Variants in KCNMA1 observed in about 807,000 individuals in gnomAD.
KCNMA1 encodes Calcium-activated potassium channel subunit alpha-1.
Under a neutral mutation model 140.0 loss-of-function variants are expected in KCNMA1, and 29 were observed. That is an observed-to-expected ratio of 0.21 (90% CI 0.15 to 0.28). The LOEUF is 0.28. KCNMA1 is among the 10% of genes least tolerant of loss of function. KCNMA1 has a pLI of 1.00. For synonymous variants in KCNMA1, 612 were observed against 611.9 expected (o/e 1.00, Z 0.00); for missense variants, 880 against 1,602.2 (o/e 0.55, Z 7.70).
At chr10:77,040,963 G>A (rs1277891617) in intron 14 of KCNMA1, among the ~76,000 whole-genome samples, 1 of 152,114 alleles carries the variant, frequency 6.6e-6, no homozygotes, top group African/African-American at 2.4e-5. Flanking sequence ...ATCTCTGAAA[G>A]GATTTCACAA....
chr10:76,976,922 G>A (rs1007884506), intron 19 of KCNMA1, among the ~76,000 whole-genome samples: 5 of 152,064 alleles, frequency 3.3e-5, no homozygotes, highest in East Asian at 1.9e-4. Flanking sequence ...AGAAAAATTC[G>A]AGAACTTCCC....
intron 1 of KCNMA1, among the ~76,000 whole-genome samples, chr10:77,565,744 A>C (rs987284525): frequency 1.4e-4 from 22 of 152,258 alleles, no homozygotes; most frequent in African/African-American, 5.3e-4. Context: ...ATAAGTGGTT[A>C]GTAACTGGTA....
intron 19 of KCNMA1, among the ~76,000 whole-genome samples, chr10:76,993,542 A>C (rs1453094123): frequency 6.6e-6 from 1 of 152,202 alleles, no homozygotes; most frequent in Non-Finnish European, 1.5e-5. Flanking sequence ...AGGGTCCTGC[A>C]GACTATAGAT....
intron 12 of KCNMA1, among the ~76,000 whole-genome samples, chr10:77,080,748 A>C (rs552526949): frequency 6.6e-6 from 1 of 152,068 alleles, no homozygotes; most frequent in Non-Finnish European, 1.5e-5. Context: ...AGAGGTTTGC[A>C]ATCTCCCACA....
At chr10:77,099,365 C>T (rs930513039) in intron 9 of KCNMA1, among the ~76,000 whole-genome samples, 4 of 152,134 alleles carry the variant, frequency 2.6e-5, no homozygotes, top group Non-Finnish European at 4.4e-5. Context: ...ACGGTGTTGC[C>T]ACAGCTAGCA....
Position 76,944,770 on chromosome 10 carries a change from TA to T in KCNMA1, c.2902+2del. 1 of 1,613,784 alleles carries T rather than the reference TA, an allele frequency of 6.2e-7. No homozygotes were observed. Among genetic ancestry groups the T allele is most frequent in the Non-Finnish European group, 8.5e-7 (1 of 1,179,720 alleles). Reference sequence around the variant, plus strand: ...GCAAAGAAGTATTACAGGCTGTCCTTACCTTGGGAATTAGCCTGCAAGACTC... The same window carrying T: ...GCAAAGAAGTATTACAGGCTGTCCTTCCTTGGGAATTAGCCTGCAAGACTC... On this transcript the variant is annotated splice_donor_variant, in intron 23 of 27. Coordinates refer to ENST00000286628, the MANE Select transcript of KCNMA1 (RefSeq NM_001161352.2). LOFTEE classifies it high-confidence loss of function.
At chr10:77,628,618 C>T (rs2092825534) in intron 1 of KCNMA1, among the ~76,000 whole-genome samples, 1 of 151,542 alleles carries the variant, frequency 6.6e-6, no homozygotes, top group Admixed American at 6.6e-5. Flanking sequence ...CTCCAGCCTG[C>T]CAGCCTGGGC....
chr10:77,022,811 CAG>C (rs1057465382), intron 16 of KCNMA1: 1 of 233,460 alleles, frequency 4.3e-6, no homozygotes, highest in African/African-American at 2.3e-5. Flanking sequence ...CAATTCTCAT[CAG>C]TCAGGCCGAT....
chr10:77,436,957 T>TACACACAC (rs10536103), intron 1 of KCNMA1, among the ~76,000 whole-genome samples: 2,328 of 134,804 alleles, frequency 0.017, 52 homozygotes, highest in African/African-American at 0.057. Context: ...CTTCTTTCTT[T>TACACACAC]ACACACACAC....
At chr10:76,986,991 G>C (rs951010038) in intron 19 of KCNMA1, among the ~76,000 whole-genome samples, 5 of 150,984 alleles carry the variant, frequency 3.3e-5, no homozygotes, top group Admixed American at 3.3e-4. Context: ...TGGCTGTTCA[G>C]AAACAAAGGT....
intron 15 of KCNMA1, 51 bp from the exon 16 acceptor site, chr10:77,027,942 C>T (rs781281750): frequency 2.1e-6 from 3 of 1,425,364 alleles, no homozygotes; most frequent in Admixed American, 1.7e-5. Context: ...ATGACCAGAG[C>T]CACATAACAC....
intron 5 of KCNMA1, among the ~76,000 whole-genome samples, chr10:77,175,252 C>T (rs1208714853): frequency 6.6e-6 from 1 of 152,202 alleles, no homozygotes; most frequent in African/African-American, 2.4e-5. Context: ...TAACCTGAGT[C>T]TTGGACCTGC....
intron 2 of KCNMA1, among the ~76,000 whole-genome samples, chr10:77,334,961 C>T (rs896324029): frequency 1.3e-5 from 2 of 152,132 alleles, no homozygotes; most frequent in Non-Finnish European, 2.9e-5. Flanking sequence ...CATCTCAATT[C>T]AGGCTAGCCA....
chr10:77,308,918 C>A (rs1018109331), intron 2 of KCNMA1, among the ~76,000 whole-genome samples: 1 of 152,184 alleles, frequency 6.6e-6, no homozygotes, highest in Non-Finnish European at 1.5e-5. Flanking sequence ...TAAGGCCACA[C>A]AGCTAAAATG....
At chr10:77,409,182 C>A (rs753210768) in intron 1 of KCNMA1, among the ~76,000 whole-genome samples, 5 of 152,190 alleles carry the variant, frequency 3.3e-5, no homozygotes, top group African/African-American at 4.8e-5. Context: ...GGGCCAAGGG[C>A]CTGACTGCAC....
chr10:77,594,181 G>A (rs2080089844), intron 1 of KCNMA1, among the ~76,000 whole-genome samples: 1 of 152,198 alleles, frequency 6.6e-6, no homozygotes, highest in Non-Finnish European at 1.5e-5. Flanking sequence ...TCCCCCAGAG[G>A]TGCCAGGTTT....
intron 1 of KCNMA1, among the ~76,000 whole-genome samples, chr10:77,559,648 CT>C (rs1474216467): frequency 6.6e-6 from 1 of 152,124 alleles, no homozygotes; most frequent in Non-Finnish European, 1.5e-5. Flanking sequence ...AACTATAGCC[CT>C]TCAGGTATTG....
chr10:77,519,999 G>T (rs1473700760), intron 1 of KCNMA1, among the ~76,000 whole-genome samples: 5 of 147,044 alleles, frequency 3.4e-5, no homozygotes, highest in Non-Finnish European at 7.6e-5. Flanking sequence ...GTGAGGTCTG[G>T]CATATGCAGT....
At chr10:77,556,143 T>A (rs945426626) in intron 1 of KCNMA1, among the ~76,000 whole-genome samples, 1 of 152,140 alleles carries the variant, frequency 6.6e-6, no homozygotes. Context: ...AATTACCCAA[T>A]CTCTCTGAGC....
Sources: allele counts gnomAD v4.1 joint callset (sites outside exome capture counted in the v4.1 genomes callset), GRCh38; gene constraint gnomAD v4.1.1; transcripts MANE v1.5; gene names NCBI Gene and HGNC (gene_info 2026-07-23, HGNC 2026-07-21).